The following RNF121 variants were observed in gnomAD, a reference collection of about 807,000 sequenced individuals.
The protein encoded by RNF121 is ring finger protein 121, also known as E3 ubiquitin ligase RNF121.
A neutral mutation model predicts 46.5 loss-of-function variants in RNF121; 21 were observed. That is an observed-to-expected ratio of 0.45 (90% CI 0.32 to 0.65). The LOEUF (loss-of-function observed/expected upper bound fraction) is 0.65, where lower values mean the gene tolerates loss of function less well. Ranked by LOEUF, RNF121 falls within the 30% of genes least tolerant of loss-of-function variation. The pLI is 0.04. For synonymous variants in RNF121, 139 were observed against 144.7 expected, an observed-to-expected ratio of 0.96 and a Z score of 0.28; for missense variants, 346 against 416.0, an observed-to-expected ratio of 0.83 and a Z score of 1.46.
intron 3 of RNF121, among the ~76,000 whole-genome samples, chr11:71,967,285 C>A (rs1437355479): frequency 6.9e-6 from 1 of 144,820 alleles, no homozygotes; most frequent in African/African-American, 2.5e-5. Context: ...GTATAAATTT[C>A]TACTTTTAAA....
At chr11:71,988,001 A>G (rs1037586920) in intron 5 of RNF121, among the ~76,000 whole-genome samples, 1 of 152,246 alleles carries the variant, frequency 6.6e-6, no homozygotes, top group Non-Finnish European at 1.5e-5. Flanking sequence ...TGCCTGTAAT[A>G]TAGCTGACAT....
rs777309887 is a variant in RNF121, at chr11:71,960,733, A to G, written c.102-17A>G. On this transcript the variant is annotated splice_polypyrimidine_tract_variant and intron_variant, in intron 2 of 8. Coordinates refer to ENST00000361756, the MANE Select transcript of RNF121 (RefSeq NM_018320.5). ...CAGCATCCCTGACTTGATTCACCCC[A>G]TGTGTTTGGCTTTCAGGGTCGAGCA... The G allele has an allele frequency of 5.6e-6, 9 of 1,609,862 alleles. No homozygotes were observed. Among genetic ancestry groups the G allele is most frequent in the Non-Finnish European group, 7.6e-6 (9 of 1,177,310 alleles).
At chr11:71,939,978 G>A (rs1175849164) in intron 1 of RNF121, among the ~76,000 whole-genome samples, 1 of 152,192 alleles carries the variant, frequency 6.6e-6, no homozygotes, top group Non-Finnish European at 1.5e-5. Flanking sequence ...ACAGAAGAAG[G>A]AGTGCTTAAG....
At chr11:71,944,290 G>A (rs909413148) in intron 1 of RNF121, among the ~76,000 whole-genome samples, 3 of 152,142 alleles carry the variant, frequency 2.0e-5, no homozygotes, top group Non-Finnish European at 2.9e-5. Flanking sequence ...CCGAGATTGT[G>A]CCACTGCACT....
In RNF121 at chr11:71,958,417, G is replaced by A. The variant is rs530455842; in HGVS notation, c.101+1153G>A. On this transcript the variant is annotated intron_variant, in intron 2 of 8. Coordinates refer to ENST00000361756, the MANE Select transcript of RNF121 (RefSeq NM_018320.5). ...TCAATATGTCCTTTGTTGTTATGGA[G>A]TATCGGATTAGGTCTAATGGACTGA... 9.9e-5 allele frequency among the ~76,000 whole-genome samples: 15 copies of A among 152,272 alleles called. No homozygotes were observed. The South Asian group carries it at 2.9e-3, about 29-fold the overall frequency.
At chr11:71,955,067 A>G (rs1953960745) in intron 1 of RNF121, among the ~76,000 whole-genome samples, 1 of 152,188 alleles carries the variant, frequency 6.6e-6, no homozygotes, top group Non-Finnish European at 1.5e-5. Context: ...ACAAATAAAC[A>G]TAAACAGGGC....
intron 5 of RNF121, among the ~76,000 whole-genome samples, chr11:71,990,143 G>A (rs1257313076): frequency 6.6e-6 from 1 of 152,218 alleles, no homozygotes; most frequent in Non-Finnish European, 1.5e-5. Flanking sequence ...CCAGATTCTG[G>A]CATGCCCTTT....
intron 4 of RNF121, 23 bp downstream of exon 4, chr11:71,982,938 G>C (rs371694671): frequency 1.5e-5 from 24 of 1,576,378 alleles, no homozygotes; most frequent in Non-Finnish European, 2.1e-5. Context: ...GTAGTGGGAA[G>C]AGCCCAGGTT....
In RNF121 at chr11:71,996,728, C is replaced by T. The variant is rs1489057033; in HGVS notation, c.*413C>T. On this transcript the variant is annotated 3_prime_UTR_variant, in exon 9 of 9. Transcript: ENST00000361756. ...CTCAGCCCACCCACTCCCTTCTTCC[C>T]TGTGTGGGGCTCAAGCCTGGTGCAC... is the stretch of plus-strand genomic sequence containing the variant. 2 of 189,048 alleles carry T rather than the reference C, an allele frequency of 1.1e-5. No individual in the cohort carries two copies. Among genetic ancestry groups the T allele is most frequent in the Non-Finnish European group, 2.3e-5 (2 of 88,326 alleles). The allele number at this position is 189,048 out of a possible 1,614,324, so 11.7% of individuals were successfully genotyped here.
chr11:71,981,567 A>T (rs1328955967), intron 3 of RNF121, among the ~76,000 whole-genome samples: 2 of 152,164 alleles, frequency 1.3e-5, no homozygotes, highest in African/African-American at 4.8e-5. Context: ...GTGGTTGAGG[A>T]GGGAGTTAGG....
intron 3 of RNF121, among the ~76,000 whole-genome samples, chr11:71,981,209 C>G (rs950525311): frequency 1.7e-5 from 1 of 57,454 alleles, no homozygotes; most frequent in Non-Finnish European, 6.9e-5. Context: ...CCACCACACC[C>G]GGCTAATTTT....
At chr11:71,987,818 T>C (rs76732256) in intron 5 of RNF121, among the ~76,000 whole-genome samples, 4,939 of 151,948 alleles carry the variant, frequency 0.033, 77 homozygotes, top group East Asian at 0.078. Flanking sequence ...TAGAGCAGAG[T>C]GGTGTCTGCA....
At chr11:71,951,138 C>T (rs1953867181) in intron 1 of RNF121, among the ~76,000 whole-genome samples, 1 of 151,304 alleles carries the variant, frequency 6.6e-6, no homozygotes, top group Admixed American at 6.6e-5. Context: ...GTGGGAGAAT[C>T]GCTTGAACCT....
rs114823890 is a variant in RNF121, at chr11:71,952,020, T to A, written c.64-5207T>A. Among the ~76,000 whole-genome samples, 1,019 of 152,298 alleles carry A rather than the reference T, an allele frequency of 6.7e-3. 12 individuals are homozygous for A. Among genetic ancestry groups the A allele is most frequent in the African/African-American group, 0.023 (963 of 41,564 alleles). On this transcript the variant is annotated intron_variant, in intron 1 of 8. Coordinates refer to ENST00000361756, the MANE Select transcript of RNF121 (RefSeq NM_018320.5). ...ATATATTCACACAAAAATTTAAAGA[T>A]GGATGTTCATAGTAGCATTATTTAT...
intron 4 of RNF121, among the ~76,000 whole-genome samples, chr11:71,983,998 G>A (rs369223579): frequency 3.4e-4 from 52 of 152,314 alleles, no homozygotes; most frequent in African/African-American, 1.2e-3. Flanking sequence ...TTACTTTAAA[G>A]GCCACTGTGG....
intron 5 of RNF121, among the ~76,000 whole-genome samples, chr11:71,988,885 C>T (rs953314858): frequency 6.6e-6 from 1 of 152,076 alleles, no homozygotes; most frequent in African/African-American, 2.4e-5. Context: ...GAAATTCTTT[C>T]TTCTAGGGGT....
intron 1 of RNF121, among the ~76,000 whole-genome samples, chr11:71,940,544 A>T (rs1953542855): frequency 6.6e-6 from 1 of 152,196 alleles, no homozygotes; most frequent in Admixed American, 6.5e-5. Context: ...GAGCTAAATT[A>T]AAAAAGGTAG....
intron 1 of RNF121, among the ~76,000 whole-genome samples, chr11:71,951,139 G>A (rs1016427770): frequency 2.7e-5 from 4 of 150,760 alleles, no homozygotes; most frequent in Non-Finnish European, 5.9e-5. Flanking sequence ...TGGGAGAATC[G>A]CTTGAACCTG....
intron 1 of RNF121, chr11:71,939,093 G>A (rs924013925): frequency 6.5e-6 from 1 of 153,004 alleles, no homozygotes; most frequent in African/African-American, 2.4e-5. Context: ...TTGTAGAGAT[G>A]GAGTTTCACC....
Sources: gnomAD v4.1 joint callset for allele counts (sites outside exome capture counted in the v4.1 genomes callset) on GRCh38, gnomAD v4.1.1 for gene constraint, MANE v1.5 for transcripts, NCBI Gene and HGNC (gene_info 2026-07-23, HGNC 2026-07-21) for gene names.